The following COL18A1 variants were observed in gnomAD, a reference collection of about 807,000 sequenced individuals.
COL18A1 encodes collagen type XVIII alpha 1 chain.
A neutral mutation model predicts 168.0 loss-of-function variants in COL18A1; 133 were observed. That is an observed-to-expected ratio of 0.79 (90% CI 0.69 to 0.91). The LOEUF (loss-of-function observed/expected upper bound fraction) is 0.91. Ranked by LOEUF, COL18A1 falls within the 40% of genes least tolerant of loss-of-function variation. The probability of loss-of-function intolerance (pLI) is 0.00; values close to 1 mark genes in which losing one functional copy is unlikely to be tolerated. For synonymous variants in COL18A1, 949 were observed against 809.0 expected (o/e 1.17, Z -2.94); for missense variants, 2,126 against 1,925.4 (o/e 1.10, Z -1.95).
In COL18A1 at chr21:45,423,066, T is replaced by C. The variant is rs1346654766; in HGVS notation, c.106+17593T>C. Among the ~76,000 whole-genome samples, 2 of 152,136 alleles carry C rather than the reference T, an allele frequency of 1.3e-5. No individual in the cohort carries two copies. Among genetic ancestry groups the C allele is most frequent in the Non-Finnish European group, 2.9e-5 (2 of 68,026 alleles). On this transcript the variant is annotated intron_variant, in intron 2 of 41. Coordinates refer to ENST00000651438, the MANE Select transcript of COL18A1 (RefSeq NM_001379500.1). The surrounding 1 kb of genome is among the most constrained non-coding windows in gnomAD (Gnocchi z 4.0). Reference sequence around the variant, plus strand: ...CGACCTCAGGTGATCTGCCCGCATCTCCTTCCCAGAGTGTTGGGATTATAG... The same window carrying C: ...CGACCTCAGGTGATCTGCCCGCATCCCCTTCCCAGAGTGTTGGGATTATAG...
At chr21:45,481,001 A>C (rs2035872951) in intron 13 of COL18A1, 143 bp downstream of exon 13, 1 of 1,294,294 alleles carries the variant, frequency 7.7e-7, no homozygotes, top group African/African-American at 1.5e-5. Flanking sequence ...GCTGGCGGGC[A>C]GTTGCTGACT....
At chr21:45,453,128 G>T (rs2034683914) in intron 2 of COL18A1, among the ~76,000 whole-genome samples, 1 of 151,956 alleles carries the variant, frequency 6.6e-6, no homozygotes, top group South Asian at 2.1e-4. Flanking sequence ...GTGTGGGCTT[G>T]TGTATGCGAG....
rs1485335792 is a variant in COL18A1, at chr21:45,423,887, C to T, written c.106+18414C>T. 6.6e-6 allele frequency: 1 copy of T among 152,252 alleles called. No individual in the cohort carries two copies. Among genetic ancestry groups the T allele is most frequent in the Non-Finnish European group, 1.5e-5 (1 of 68,082 alleles). The allele number at this position is 152,252 out of a possible 1,614,324, so 9.4% of individuals were successfully genotyped here. On this transcript the variant is annotated intron_variant, in intron 2 of 41. Transcript: ENST00000651438. The surrounding 1 kb of genome is among the most constrained non-coding windows in gnomAD (Gnocchi z 4.0). ...GTGTCCTGGGGGCAGAGGCCTGACG[C>T]ACTCAGCTGCTCGCCCAGGGCCCTC...
At position 45,477,797 on chromosome 21, in the gene COL18A1, TGGCCGGGCAGGCCCCCCA is replaced by T. The variant is rs1568904569; in HGVS notation, c.1056_1073del (p.Arg353_Gly358del). The T allele has an allele frequency of 6.5e-7, 1 of 1,549,052 alleles. No homozygotes were observed. Reference sequence around the variant, plus strand: ...GGGAGCCAGGTGTTCCGGGCCCACCTGGCCGGGCAGGCCCCCCAGGATCCCCATGCCTACCTGGTCCCC... The same window carrying T: ...GGGAGCCAGGTGTTCCGGGCCCACCTGGATCCCCATGCCTACCTGGTCCCC... On this transcript the variant is annotated inframe_deletion, in exon 8 of 42. Transcript: ENST00000651438.
chr21:45,456,758 C>CAGT, intron 2 of COL18A1: 1 of 1,540,482 alleles, frequency 6.5e-7, no homozygotes, highest in Non-Finnish European at 8.7e-7. Context: ...ACCCTGCTGC[C>CAGT]AGTTCTGCGA....
intron 17 of COL18A1, among the ~76,000 whole-genome samples, chr21:45,488,060 A>G (rs997404115): frequency 4.6e-5 from 7 of 152,056 alleles, no homozygotes; most frequent in African/African-American, 1.4e-4. Flanking sequence ...CCACACCACC[A>G]GCGCTCTCGT....
intron 2 of COL18A1, chr21:45,467,506 C>T: frequency 4.4e-6 from 4 of 915,652 alleles, no homozygotes; most frequent in Non-Finnish European, 5.2e-6. Flanking sequence ...TACAGCTTGT[C>T]CTTGCCACAT....
At chr21:45,487,381 C>T (rs1369638651) in intron 16 of COL18A1, 66 bp from the exon 17 acceptor site, 3 of 1,584,190 alleles carry the variant, frequency 1.9e-6, no homozygotes, top group East Asian at 2.2e-5. Flanking sequence ...GGCAGTGCCA[C>T]CCCAGGGAGG....
At chr21:45,493,472 T>C in intron 25 of COL18A1, 29 bp from the exon 26 acceptor site, 1 of 1,543,860 alleles carries the variant, frequency 6.5e-7, no homozygotes, top group South Asian at 1.2e-5. Flanking sequence ...GAGCTGGCCC[T>C]GACTCTGCTG....
intron 2 of COL18A1, among the ~76,000 whole-genome samples, chr21:45,453,175 G>C (rs940267037): frequency 6.6e-6 from 1 of 151,794 alleles, no homozygotes; most frequent in South Asian, 2.1e-4. Flanking sequence ...GTATGTGTGT[G>C]TGATTGTGTA....
At chr21:45,419,917 G>C (rs1003131737) in intron 2 of COL18A1, 1 of 152,102 alleles carries the variant, frequency 6.6e-6, no homozygotes, top group Non-Finnish European at 1.5e-5. Flanking sequence ...CATTACGGCC[G>C]TGTCCCCGCT....
chr21:45,456,192 C>T lies in COL18A1; in HGVS notation c.107-12050C>T, dbSNP rs749547449. ...CCATCTTCAGGTAGAGCTTCTCTCTCCTCCTTGCTGGGCGGGGCCCCTCCC... is the reference window on the plus strand; with the variant it reads ...CCATCTTCAGGTAGAGCTTCTCTCTTCTCCTTGCTGGGCGGGGCCCCTCCC... On this transcript the variant is annotated intron_variant, in intron 2 of 41. Transcript: ENST00000651438. 137 of 1,601,276 alleles carry T rather than the reference C, an allele frequency of 8.6e-5. 1 individual carries two copies. Among genetic ancestry groups the T allele is most frequent in the Non-Finnish European group, 9.4e-5 (110 of 1,171,744 alleles).
At position 45,504,129 on chromosome 21, in the gene COL18A1, C is replaced by T. The variant is rs73907560; in HGVS notation, c.2727+75C>T. ...CGCTGGGTGGCTGCTCCCAATTTCT[C>T]GCCCCATCCGGCCCAAGCCCCCTTC... On this transcript the variant is annotated intron_variant, in intron 33 of 41. Transcript: ENST00000651438. The T allele has an allele frequency of 4.3e-4, 653 of 1,524,792 alleles. 2 individuals carry two copies. The African/African-American group carries it at 5.7e-3, about 13-fold the overall frequency. 94.5% of individuals were successfully genotyped at this position (1,524,792 alleles called of 1,614,324 possible).
rs1366885106 is a variant in COL18A1 at position 45,496,493 on chromosome 21, C to A, written c.2509-7C>A. The stretch of plus-strand genomic sequence containing the variant: ...ATAAGCCTAACAGCTCTCTGCCCTC[C>A]CCACAGGGAATGCCCGGCCCCCCAG... On this transcript the variant is annotated splice_polypyrimidine_tract_variant and splice_region_variant and intron_variant, in intron 29 of 41. Transcript: ENST00000651438. 5.3e-6 allele frequency: 7 copies of A among 1,316,836 alleles called. No homozygotes were observed. Among genetic ancestry groups the A allele is most frequent in the Non-Finnish European group, 7.7e-6 (7 of 909,064 alleles). The allele number at this position is 1,316,836 out of a possible 1,614,324, so 81.6% of individuals were successfully genotyped here. A position where few individuals can be genotyped will look rare whatever the true frequency, so the allele number is the denominator to read the frequency against.
At chr21:45,508,670 C>T (rs1011216098) in intron 38 of COL18A1, among the ~76,000 whole-genome samples, 3 of 152,188 alleles carry the variant, frequency 2.0e-5, no homozygotes, top group Non-Finnish European at 2.9e-5. Flanking sequence ...GGCTCCACAG[C>T]GGCCTGTCTC....
intron 34 of COL18A1, among the ~76,000 whole-genome samples, chr21:45,504,792 G>A (rs2037091073): frequency 6.6e-6 from 1 of 152,126 alleles, no homozygotes; most frequent in Non-Finnish European, 1.5e-5. Context: ...CCCTCCTGCT[G>A]GGGCCACGTG....
At chr21:45,456,087 G>A in intron 2 of COL18A1, 6 of 1,600,378 alleles carry the variant, frequency 3.7e-6, no homozygotes, top group Non-Finnish European at 5.1e-6. Flanking sequence ...ACCGAGGCTG[G>A]CACCTTGCCT....
At position 45,505,946 on chromosome 21, in the gene COL18A1, A is replaced by C. The variant is rs369018715; in HGVS notation, c.3196A>C (p.Asn1066His). ...GGAGGAGCTCTACGTCCGCGTGCAGAACGGGTTCCGGAAGGTCCAGGTGAG... is the reference window on the plus strand; with the variant it reads ...GGAGGAGCTCTACGTCCGCGTGCAGCACGGGTTCCGGAAGGTCCAGGTGAG... Reference protein sequence around the residue: ...EQEELYVRVQNGFRKVQLEAR... With the variant: ...EQEELYVRVQHGFRKVQLEAR... The change falls in exon 37 of 42, where the codon AAC (asparagine) becomes CAC (histidine). Residue 1066 changes from asparagine (N) to histidine (H), a missense_variant. By Grantham distance (68) the Asn-to-His change is moderately conservative (BLOSUM62 1). Transcript: ENST00000651438. The C allele has an allele frequency of 1.9e-6, 3 of 1,613,218 alleles. No individual in the cohort carries two copies. The Admixed American group carries it at 5.0e-5, about 27-fold the overall frequency.
intron 2 of COL18A1, chr21:45,455,858 G>T: frequency 6.2e-7 from 1 of 1,613,174 alleles, no homozygotes; most frequent in Non-Finnish European, 8.5e-7. Flanking sequence ...CATTGCCGGT[G>T]TCGGAGCCGA....
Sources: allele counts gnomAD v4.1 joint callset (sites outside exome capture counted in the v4.1 genomes callset), GRCh38; gene constraint gnomAD v4.1.1; non-coding constraint Gnocchi (gnomAD v3.1); transcripts MANE v1.5; gene names NCBI Gene and HGNC (gene_info 2026-07-23, HGNC 2026-07-21).